The following TAMM41 variants were observed in gnomAD, a reference collection of about 807,000 sequenced individuals.
TAMM41 encodes TAM41 mitochondrial translocator assembly and maintenance homolog.
In TAMM41, 36 loss-of-function variants were observed where a neutral mutation model predicts 44.1. The observed-to-expected ratio is 0.82, with a 90% CI of 0.63 to 1.08. The LOEUF is 1.08. Ranked by LOEUF, TAMM41 falls within the 50% of genes least tolerant of loss-of-function variation. The probability of loss-of-function intolerance (pLI) is 0.00; values close to 1 mark genes in which losing one functional copy is unlikely to be tolerated. For missense variants in TAMM41, 417 were observed against 404.3 expected, an observed-to-expected ratio of 1.03 and a Z score of -0.27; for synonymous variants, 164 against 153.1, an observed-to-expected ratio of 1.07 and a Z score of -0.53.
In TAMM41 at chr3:11,809,523, G is replaced by A. The variant is rs753115954; in HGVS notation, c.868C>T (p.Arg290Ter). The change falls in exon 6 of 8, where the codon CGA becomes TGA. Residue 290 changes from arginine (R) to a stop codon, truncating the protein, a stop_gained. Coordinates refer to ENST00000455809, the MANE Select transcript of TAMM41 (RefSeq NM_001284401.2). LOFTEE classifies it high-confidence loss of function. ...ATCAAATTCATAAACGTACCTAGTC[G>A]CACCACATCTCCACAGTCGGGATCA... ...AHDPDCGDVV[R>*]LGLSAIVRPS... 2.1e-5 allele frequency: 34 copies of A among 1,613,354 alleles called. No homozygotes were observed. The East Asian group carries it at 2.2e-4, about 11-fold the overall frequency.
At chr3:11,814,022 A>AC (rs2078192209) in intron 5 of TAMM41, among the ~76,000 whole-genome samples, 1 of 151,226 alleles carries the variant, frequency 6.6e-6, no homozygotes, top group African/African-American at 2.4e-5. Flanking sequence ...ACACACACAT[A>AC]AAAAAATCAG....
intron 3 of TAMM41, among the ~76,000 whole-genome samples, chr3:11,838,660 G>A (rs888326066): frequency 2.6e-5 from 4 of 152,170 alleles, no homozygotes; most frequent in East Asian, 1.9e-4. Context: ...CACCCTCCCA[G>A]CACCTTGATG....
the TAMM41 span, among the ~76,000 whole-genome samples, chr3:11,753,411 G>C: frequency 6.6e-6 from 1 of 150,920 alleles, no homozygotes; most frequent in Non-Finnish European, 1.5e-5. Flanking sequence ...CCCAGCCTGA[G>C]TGACATAGCA....
At chr3:11,763,407 G>C in the TAMM41 span, among the ~76,000 whole-genome samples, 3 of 152,214 alleles carry the variant, frequency 2.0e-5, no homozygotes. Context: ...CTCCCAAAGT[G>C]CTGGGATTAC....
chr3:11,795,125 G>T (rs898420472), intron 7 of TAMM41, among the ~76,000 whole-genome samples: 1 of 152,170 alleles, frequency 6.6e-6, no homozygotes, highest in Admixed American at 6.5e-5. Context: ...GGCTGGTAAG[G>T]ATCAACTGAG....
At chr3:11,731,630 GGGGGAAAA>G in the TAMM41 span, among the ~76,000 whole-genome samples, 1 of 152,150 alleles carries the variant, frequency 6.6e-6, no homozygotes, top group Admixed American at 6.5e-5. Context: ...TAGTACAGAC[GGGGGAAAA>G]GGAGAGCAAG....
the TAMM41 span, among the ~76,000 whole-genome samples, chr3:11,747,369 T>C: frequency 1.3e-5 from 2 of 152,184 alleles, no homozygotes; most frequent in African/African-American, 4.8e-5. Flanking sequence ...GCCAGTGTGA[T>C]GGAACTTTCT....
the TAMM41 span, among the ~76,000 whole-genome samples, chr3:11,755,940 T>TG: frequency 0.16 from 24,947 of 152,098 alleles, 2,516 homozygotes; most frequent in Non-Finnish European, 0.23. Flanking sequence ...TATTATATAA[T>TG]GGGGGGCAAA....
chr3:11,732,193 C>G, the TAMM41 span, among the ~76,000 whole-genome samples: 2 of 152,086 alleles, frequency 1.3e-5, no homozygotes, highest in African/African-American at 4.8e-5. Context: ...CTTCCTTCCT[C>G]CATGTCTCCC....
downstream of TAMM41, among the ~76,000 whole-genome samples, chr3:11,787,438 T>C (rs568335451): frequency 3.3e-5 from 5 of 152,314 alleles, 1 homozygote; most frequent in South Asian, 2.1e-4. Context: ...TCTCTCCACG[T>C]CATCCCTTCT....
the TAMM41 span, among the ~76,000 whole-genome samples, chr3:11,733,843 A>C: frequency 6.6e-6 from 1 of 151,952 alleles, no homozygotes; most frequent in Non-Finnish European, 1.5e-5. Flanking sequence ...CCAAACAGGT[A>C]TTCTGGAAGA....
intron 2 of TAMM41, 103 bp from the exon 3 acceptor site, chr3:11,839,417 T>C: frequency 1.4e-6 from 1 of 718,802 alleles, no homozygotes; most frequent in East Asian, 2.8e-5. Context: ...ACCAGAGCAG[T>C]ACCTTGATTC....
chr3:11,764,793 A>C, the TAMM41 span, among the ~76,000 whole-genome samples: 1 of 152,072 alleles, frequency 6.6e-6, no homozygotes, highest in Non-Finnish European at 1.5e-5. Context: ...CACCCGGCCC[A>C]TCTTACTCTT....
chr3:11,786,286 T>TTTTATTATTA (rs2077416907), downstream of TAMM41, among the ~76,000 whole-genome samples: 3 of 138,872 alleles, frequency 2.2e-5, no homozygotes, highest in Non-Finnish European at 4.6e-5. Context: ...TTTATTTAAT[T>TTTTATTATTA]TTATTATTAT....
Position 11,790,683 on chromosome 3 carries a change from G to A in TAMM41, c.938-102C>T. 6 of 1,000,664 alleles carry A rather than the reference G, an allele frequency of 6.0e-6. No individual in the cohort carries two copies. The Admixed American group carries it at 1.2e-4, about 19-fold the overall frequency. 62.0% of individuals were successfully genotyped at this position (1,000,664 alleles called of 1,614,324 possible). On this transcript the variant is annotated intron_variant, in intron 7 of 7. Coordinates refer to ENST00000455809, the MANE Select transcript of TAMM41 (RefSeq NM_001284401.2). ...GCAGACTTGTCTTTGGAGGAGGGCA[G>A]TGAGGGGCTGACCCGTGGCTCTAGG...
chr3:11,809,499 T>A lies in TAMM41; in HGVS notation c.874+18A>T, dbSNP rs763052014. On this transcript the variant is annotated intron_variant, in intron 6 of 7. Transcript: ENST00000455809. ...CCCCATGGCTGGCATTTCCTCAACA[T>A]CAAATTCATAAACGTACCTAGTCGC... The A allele has an allele frequency of 4.3e-6, 7 of 1,612,036 alleles. No individual in the cohort carries two copies. The highest frequency in any genetic ancestry group is 3.4e-6 in the Non-Finnish European group (4 of 1,179,618).
At chr3:11,784,472 G>A in the TAMM41 span, among the ~76,000 whole-genome samples, 1 of 152,174 alleles carries the variant, frequency 6.6e-6, no homozygotes, top group Non-Finnish European at 1.5e-5. Context: ...TCCAGCCTGG[G>A]CAACAGAGCA....
At chr3:11,739,937 A>T in the TAMM41 span, among the ~76,000 whole-genome samples, 1 of 152,200 alleles carries the variant, frequency 6.6e-6, no homozygotes, top group Admixed American at 6.5e-5. Flanking sequence ...AGCCTGACTC[A>T]GAGCAGATGC....
the TAMM41 span, among the ~76,000 whole-genome samples, chr3:11,722,363 T>C: frequency 6.6e-6 from 1 of 151,934 alleles, no homozygotes; most frequent in South Asian, 2.1e-4. Context: ...ACACTCAAGT[T>C]ACTGTAAGAA....
Sources: gnomAD v4.1 joint callset for allele counts (sites outside exome capture counted in the v4.1 genomes callset) on GRCh38, gnomAD v4.1.1 for gene constraint, MANE v1.5 for transcripts, NCBI Gene and HGNC (gene_info 2026-07-23, HGNC 2026-07-21) for gene names.